LPAR3: variants seen among roughly 807,000 people sequenced by gnomAD.
The protein encoded by LPAR3 is LPA receptor 3.
LPAR3 carries 7 observed loss-of-function variants against 17.8 expected under a neutral mutation model. The observed-to-expected ratio is 0.39, with a 90% CI of 0.22 to 0.74. LPAR3 has a LOEUF of 0.74. Ranked by LOEUF, LPAR3 falls within the 30% of genes least tolerant of loss-of-function variation. The probability of loss-of-function intolerance (pLI) is 0.40; values close to 1 mark genes in which losing one functional copy is unlikely to be tolerated. For synonymous variants in LPAR3, 179 were observed against 179.9 expected (o/e 0.99, Z 0.04); for missense variants, 391 against 453.4 (o/e 0.86, Z 1.25).
At chr1:84,880,649 G>A (rs1660348253) in intron 1 of LPAR3, among the ~76,000 whole-genome samples, 1 of 152,210 alleles carries the variant, frequency 6.6e-6, no homozygotes, top group Non-Finnish European at 1.5e-5. Context: ...TCATGCTTAA[G>A]AGCTTGACCC....
intron 2 of LPAR3, among the ~76,000 whole-genome samples, chr1:84,839,540 G>T (rs1343844742): frequency 6.6e-6 from 1 of 152,114 alleles, no homozygotes; most frequent in African/African-American, 2.4e-5. Context: ...TGGGCATGGT[G>T]CACATCTGTA....
At chr1:84,847,932 T>C (rs1010768709) in intron 2 of LPAR3, among the ~76,000 whole-genome samples, 2 of 152,206 alleles carry the variant, frequency 1.3e-5, no homozygotes, top group South Asian at 4.1e-4. Context: ...TCCCACCCCT[T>C]CCTTGTTGGC....
chr1:84,872,568 C>T (rs1281363382), intron 1 of LPAR3, among the ~76,000 whole-genome samples: 1 of 151,978 alleles, frequency 6.6e-6, no homozygotes, highest in Non-Finnish European at 1.5e-5. Context: ...GATTATAACC[C>T]GAAGTATAAA....
chr1:84,864,816 C>G (rs1660008210), intron 2 of LPAR3, among the ~76,000 whole-genome samples: 1 of 151,998 alleles, frequency 6.6e-6, no homozygotes, highest in South Asian at 2.1e-4. Context: ...AAATGAAAAG[C>G]TGAAGTCCTT....
At chr1:84,882,700 T>G (rs989283118) in intron 1 of LPAR3, among the ~76,000 whole-genome samples, 1 of 152,216 alleles carries the variant, frequency 6.6e-6, no homozygotes, top group African/African-American at 2.4e-5. Context: ...CAACGGATCT[T>G]TGACAAGGGT....
intron 2 of LPAR3, among the ~76,000 whole-genome samples, chr1:84,851,877 A>C (rs1395914151): frequency 2.6e-5 from 4 of 152,260 alleles, no homozygotes; most frequent in African/African-American, 9.6e-5. Context: ...AAAAGATCAG[A>C]GCTAACTGTG....
intron 2 of LPAR3, among the ~76,000 whole-genome samples, chr1:84,847,653 G>A (rs910679870): frequency 1.4e-4 from 21 of 152,122 alleles, no homozygotes; most frequent in African/African-American, 4.3e-4. Flanking sequence ...TCCACTACTT[G>A]GGGTCTCCAG....
At position 84,867,016 on chromosome 1, in the gene LPAR3, T is replaced by C. The variant is rs560075221; in HGVS notation, c.-18-878A>G. ...GGGCAGATCTCCAACTCAATGTGGA[T>C]GTGAGAACATATCTATTAAGTGAGG... On this transcript the variant is annotated intron_variant, in intron 1 of 2. Coordinates refer to ENST00000370611, the MANE Select transcript of LPAR3 (RefSeq NM_012152.3). Among the ~76,000 whole-genome samples the C allele has an allele frequency of 3.3e-5, 5 of 152,258 alleles. No individual in the cohort carries two copies. The South Asian group carries it at 1.0e-3, about 32-fold the overall frequency.
In LPAR3 at chr1:84,838,587, T is replaced by C. The variant is rs536787716; in HGVS notation, c.737-24416A>G. ...AACTATTCTATCCCTCTGATGGTGA[T>C]TACATCAGACCACTATCATCTAGAG... On this transcript the variant is annotated intron_variant, in intron 2 of 2. Coordinates refer to ENST00000370611, the MANE Select transcript of LPAR3 (RefSeq NM_012152.3). Among the ~76,000 whole-genome samples the C allele has an allele frequency of 7.2e-5, 11 of 152,350 alleles. No homozygotes were observed. In the South Asian group the frequency reaches 2.1e-3, roughly 29 times the overall value.
intron 2 of LPAR3, among the ~76,000 whole-genome samples, chr1:84,821,187 T>C (rs1177411030): frequency 1.3e-5 from 2 of 150,976 alleles, no homozygotes; most frequent in African/African-American, 4.9e-5. Flanking sequence ...CCAAAGGAAA[T>C]ATCTCGTTAA....
intron 2 of LPAR3, among the ~76,000 whole-genome samples, chr1:84,859,157 G>A (rs1659886695): frequency 1.3e-5 from 2 of 152,134 alleles, no homozygotes; most frequent in Non-Finnish European, 2.9e-5. Context: ...TATTAAAACT[G>A]AAAAAGACAC....
At chr1:84,845,708 T>C (rs530988244) in intron 2 of LPAR3, among the ~76,000 whole-genome samples, 1 of 152,158 alleles carries the variant, frequency 6.6e-6, no homozygotes, top group African/African-American at 2.4e-5. Flanking sequence ...TAGGAAAACC[T>C]CTCCAGAATA....
At position 84,891,217 on chromosome 1, in the gene LPAR3, T is replaced by A. The variant is rs145134897; in HGVS notation, c.-19+1799A>T. 9.7e-4 allele frequency among the ~76,000 whole-genome samples: 145 copies of A among 149,256 alleles called. 1 individual carries two copies. The highest frequency in any genetic ancestry group is 3.5e-3 in the African/African-American group (142 of 40,678). On this transcript the variant is annotated intron_variant, in intron 1 of 2. Coordinates refer to ENST00000370611, the MANE Select transcript of LPAR3 (RefSeq NM_012152.3). ...AATTGAAAGGTTTAGACAAGAGGAGTGTCATATGTAATTAAATCAAAACCT... is the reference window on the plus strand; with the variant it reads ...AATTGAAAGGTTTAGACAAGAGGAGAGTCATATGTAATTAAATCAAAACCT...
chr1:84,885,149 G>T (rs78570467), intron 1 of LPAR3, among the ~76,000 whole-genome samples: 2 of 152,150 alleles, frequency 1.3e-5, no homozygotes, highest in African/African-American at 4.8e-5. Context: ...GGCATCTACC[G>T]GGCAGAGGCC....
chr1:84,848,049 C>T (rs1288179565), intron 2 of LPAR3, among the ~76,000 whole-genome samples: 1 of 152,214 alleles, frequency 6.6e-6, no homozygotes, highest in Admixed American at 6.5e-5. Flanking sequence ...TCCCTTAACA[C>T]CACGTTGAAC....
chr1:84,881,639 T>G (rs745963008), intron 1 of LPAR3, among the ~76,000 whole-genome samples: 2 of 152,152 alleles, frequency 1.3e-5, no homozygotes, highest in Non-Finnish European at 2.9e-5. Context: ...CAAGAAAGAA[T>G]GTCCCCCTGC....
rs1410881398 is a variant in LPAR3, at chr1:84,893,143, G to A, written c.-146C>T. The A allele has an allele frequency of 6.6e-6, 1 of 152,130 alleles. No individual in the cohort carries two copies. The highest frequency in any genetic ancestry group is 1.5e-5 in the Non-Finnish European group (1 of 68,040). The allele number at this position is 152,130 out of a possible 1,614,324, so 9.4% of individuals were successfully genotyped here. ...AGCCGGGCGCGGAGAAGCAGCGGAGGACGCGGCGGGCGGGCGGAGCGCCTC... is the reference window on the plus strand; with the variant it reads ...AGCCGGGCGCGGAGAAGCAGCGGAGAACGCGGCGGGCGGGCGGAGCGCCTC... On this transcript the variant is annotated 5_prime_UTR_variant, in exon 1 of 3. Transcript: ENST00000370611.
At chr1:84,836,334 T>A (rs1445050469) in intron 2 of LPAR3, among the ~76,000 whole-genome samples, 1 of 93,288 alleles carries the variant, frequency 1.1e-5, no homozygotes, top group Non-Finnish European at 2.2e-5. Flanking sequence ...TGAGATCCTG[T>A]CTTTAAAAAA....
intron 2 of LPAR3, among the ~76,000 whole-genome samples, chr1:84,852,642 A>G (rs1050311988): frequency 1.2e-4 from 18 of 152,126 alleles, no homozygotes; most frequent in African/African-American, 3.9e-4. Flanking sequence ...AGACGTTCAC[A>G]TGGAGGGGTT....
Sources: gnomAD v4.1 joint callset for allele counts (sites outside exome capture counted in the v4.1 genomes callset) on GRCh38, gnomAD v4.1.1 for gene constraint, MANE v1.5 for transcripts, NCBI Gene and HGNC (gene_info 2026-07-23, HGNC 2026-07-21) for gene names.